Variants in CACNG3 observed in about 807,000 individuals in gnomAD.
The protein encoded by CACNG3 is calcium voltage-gated channel auxiliary subunit gamma 3.
Under a neutral mutation model 28.5 loss-of-function variants are expected in CACNG3, and 3 were observed. The observed-to-expected ratio is 0.11, with a 90% confidence interval of 0.05 to 0.27. CACNG3 has a LOEUF of 0.27. Ranked by LOEUF, CACNG3 falls within the 10% of genes least tolerant of loss-of-function variation. The pLI is 1.00. For missense variants in CACNG3, 236 were observed against 414.4 expected, an observed-to-expected ratio of 0.57 and a Z score of 3.74; for synonymous variants, 174 against 162.2, an observed-to-expected ratio of 1.07 and a Z score of -0.55.
Position 24,346,945 on chromosome 16 carries a change from T to C in CACNG3, c.295+128T>C, listed in dbSNP as rs1446204819. On this transcript the variant is annotated intron_variant, in intron 2 of 3. Transcript: ENST00000005284. ...AATAGATAAGTGCAAAGAAGCCCCA[T>C]GTGCCAGTACACAGAGACACTCAAG... 22 of 689,804 alleles carry C rather than the reference T, an allele frequency of 3.2e-5. No individual in the cohort carries two copies. The East Asian group carries it at 5.9e-4, about 18-fold the overall frequency. The allele number at this position is 689,804 out of a possible 1,614,324, so 42.7% of individuals were successfully genotyped here. A position where few individuals can be genotyped will look rare whatever the true frequency, so the allele number is the denominator to read the frequency against.
At chr16:24,352,866 G>A (rs916999554) in intron 2 of CACNG3, among the ~76,000 whole-genome samples, 10 of 152,160 alleles carry the variant, frequency 6.6e-5, no homozygotes, top group African/African-American at 2.4e-4. Context: ...GGTTCTACCC[G>A]TTACACGGGG....
intron 1 of CACNG3, among the ~76,000 whole-genome samples, chr16:24,333,029 T>C (rs1899652280): frequency 6.6e-6 from 1 of 152,152 alleles, no homozygotes. Flanking sequence ...GATTTGAATA[T>C]CAAAGGATTA....
rs538936313 is a variant in CACNG3, at chr16:24,264,877, T to C, written c.211+7912T>C. On this transcript the variant is annotated intron_variant, in intron 1 of 3. Coordinates refer to ENST00000005284, the MANE Select transcript of CACNG3 (RefSeq NM_006539.4). ...AAACTAAAACTGGTGCATGTTTATA[T>C]CCCACTAAATTGAGACACATCAATA... is the stretch of plus-strand genomic sequence containing the variant. Among the ~76,000 whole-genome samples, 8 of 152,318 alleles carry C rather than the reference T, an allele frequency of 5.3e-5. No individual in the cohort carries two copies. In the South Asian group the frequency reaches 1.7e-3, roughly 32 times the overall value.
At chr16:24,295,715 G>A (rs752626845) in intron 1 of CACNG3, among the ~76,000 whole-genome samples, 6 of 151,992 alleles carry the variant, frequency 3.9e-5, no homozygotes, top group South Asian at 2.1e-4. Context: ...TGAGTGTGGC[G>A]GCACACACCT....
intron 1 of CACNG3, among the ~76,000 whole-genome samples, chr16:24,267,585 A>C (rs1318772070): frequency 6.6e-6 from 1 of 151,640 alleles, no homozygotes. Context: ...ACCGTGCCCC[A>C]CCTAGAAAAA....
chr16:24,288,895 A>C (rs1397728497), intron 1 of CACNG3, among the ~76,000 whole-genome samples: 2 of 151,966 alleles, frequency 1.3e-5, no homozygotes, highest in Admixed American at 6.6e-5. Context: ...ACACACACAC[A>C]CCAGACACTT....
intron 1 of CACNG3, among the ~76,000 whole-genome samples, chr16:24,304,289 G>A: frequency 6.6e-6 from 1 of 152,004 alleles, no homozygotes; most frequent in East Asian, 1.9e-4. Context: ...TTTAAGGATA[G>A]AGTTTCCTTT....
chr16:24,288,279 T>C (rs990949334), intron 1 of CACNG3, among the ~76,000 whole-genome samples: 3 of 152,186 alleles, frequency 2.0e-5, no homozygotes, highest in African/African-American at 7.2e-5. Flanking sequence ...AGTGGCACTA[T>C]GCTAACAGCT....
At position 24,295,382 on chromosome 16, in the gene CACNG3, C is replaced by T. The variant is rs76050363; in HGVS notation, c.211+38417C>T. On this transcript the variant is annotated intron_variant, in intron 1 of 3. Coordinates refer to ENST00000005284, the MANE Select transcript of CACNG3 (RefSeq NM_006539.4). ...AACTTGCTACTCCTGGTGCTGATGG[C>T]GGCTAGATGTCAGTCTCCAGAGACA... Among the ~76,000 whole-genome samples the T allele has an allele frequency of 5.0e-3, 763 of 152,256 alleles. 4 individuals carry two copies. The highest frequency in any genetic ancestry group is 7.2e-3 in the Non-Finnish European group (492 of 68,022).
chr16:24,341,164 C>T (rs926444001), intron 1 of CACNG3, among the ~76,000 whole-genome samples: 1 of 152,118 alleles, frequency 6.6e-6, no homozygotes, highest in African/African-American at 2.4e-5. Flanking sequence ...CATTTGTGTG[C>T]GAAAGCACAG....
At chr16:24,263,741 T>C (rs1898563756) in intron 1 of CACNG3, among the ~76,000 whole-genome samples, 1 of 152,214 alleles carries the variant, frequency 6.6e-6, no homozygotes, top group African/African-American at 2.4e-5. Context: ...ACTGTTTCTG[T>C]TTTAATTCTT....
chr16:24,347,280 T>C (rs1899882524), intron 2 of CACNG3, among the ~76,000 whole-genome samples: 1 of 152,022 alleles, frequency 6.6e-6, no homozygotes, highest in Admixed American at 6.6e-5. Flanking sequence ...ATCATACCAC[T>C]GCAGTCCAGC....
At chr16:24,307,183 G>A (rs921688653) in intron 1 of CACNG3, among the ~76,000 whole-genome samples, 20 of 151,982 alleles carry the variant, frequency 1.3e-4, no homozygotes, top group East Asian at 5.8e-4. Flanking sequence ...GTGCAGTGGC[G>A]CGATCTCAGC....
intron 1 of CACNG3, among the ~76,000 whole-genome samples, chr16:24,316,207 T>G (rs1237178533): frequency 9.5e-6 from 1 of 105,682 alleles, no homozygotes; most frequent in Non-Finnish European, 2.3e-5. Flanking sequence ...TCAGGAACCG[T>G]CTGGACTTTA....
At chr16:24,301,729 T>TA in intron 1 of CACNG3, among the ~76,000 whole-genome samples, 1 of 152,272 alleles carries the variant, frequency 6.6e-6, no homozygotes, top group East Asian at 1.9e-4. Context: ...GGCCTCCAAA[T>TA]AAAAACCATA....
intron 1 of CACNG3, among the ~76,000 whole-genome samples, chr16:24,329,684 C>CCT (rs1899606843): frequency 6.6e-6 from 1 of 152,080 alleles, no homozygotes; most frequent in South Asian, 2.1e-4. Flanking sequence ...AAACTCTGAA[C>CCT]CTCTACACAT....
intron 2 of CACNG3, among the ~76,000 whole-genome samples, chr16:24,349,885 A>G (rs1899918011): frequency 6.6e-6 from 1 of 152,204 alleles, no homozygotes; most frequent in African/African-American, 2.4e-5. Context: ...CTCTGACAGC[A>G]GAAGGTTCAA....
intron 2 of CACNG3, among the ~76,000 whole-genome samples, chr16:24,350,036 T>C (rs1188416438): frequency 6.6e-6 from 1 of 150,968 alleles, no homozygotes; most frequent in Non-Finnish European, 1.5e-5. Context: ...CCATATAGTT[T>C]GGGGGGAGAA....
chr16:24,277,310 A>G (rs1445617466), intron 1 of CACNG3, among the ~76,000 whole-genome samples: 1 of 152,178 alleles, frequency 6.6e-6, no homozygotes, highest in Non-Finnish European at 1.5e-5. Flanking sequence ...CGACAGGAAC[A>G]TTTGGTAATG....
Sources: gnomAD v4.1 joint callset for allele counts (sites outside exome capture counted in the v4.1 genomes callset) on GRCh38, gnomAD v4.1.1 for gene constraint, MANE v1.5 for transcripts, NCBI Gene and HGNC (gene_info 2026-07-23, HGNC 2026-07-21) for gene names.